The following NRF1 variants were observed in gnomAD, a reference collection of about 807,000 sequenced individuals.
NRF1 encodes the protein alpha palindromic-binding protein.
A neutral mutation model predicts 58.5 loss-of-function variants in NRF1; 5 were observed. The observed-to-expected ratio is 0.09, with a 90% confidence interval of 0.04 to 0.18. The LOEUF (loss-of-function observed/expected upper bound fraction) is 0.18, where lower values mean the gene tolerates loss of function less well. Ranked by LOEUF, NRF1 falls within the 10% of genes least tolerant of loss-of-function variation. The probability of loss-of-function intolerance (pLI) is 1.00; values close to 1 mark genes in which losing one functional copy is unlikely to be tolerated. For missense variants in NRF1, 288 were observed against 657.7 expected (o/e 0.44, Z 6.15); for synonymous variants, 224 against 246.7 (o/e 0.91, Z 0.86).
chr7:129,647,576 A>C (rs900312059), intron 1 of NRF1, among the ~76,000 whole-genome samples: 2 of 151,906 alleles, frequency 1.3e-5, no homozygotes, highest in Admixed American at 6.6e-5. Flanking sequence ...TTGTATTTTT[A>C]GTAGAGATAG....
At chr7:129,637,585 A>T (rs1009516313) in intron 1 of NRF1, among the ~76,000 whole-genome samples, 4 of 152,214 alleles carry the variant, frequency 2.6e-5, no homozygotes, top group Non-Finnish European at 5.9e-5. Flanking sequence ...TAGTTTTAGT[A>T]TATCTTTTGA....
chr7:129,632,519 G>A lies in NRF1; in HGVS notation c.-7+20695G>A, dbSNP rs562626492. ...TCACAGTTATTGTTGAAGCTTATTG[G>A]GCACCCCTTCCCCATCCTAGTCCTC... is the stretch of plus-strand genomic sequence containing the variant. On this transcript the variant is annotated intron_variant, in intron 1 of 10. Transcript: ENST00000393232. Among the ~76,000 whole-genome samples the A allele has an allele frequency of 3.3e-5, 5 of 151,764 alleles. No homozygotes were observed. In the South Asian group the frequency reaches 1.0e-3, roughly 32 times the overall value.
At chr7:129,742,977 AC>A (rs1398846490) in intron 10 of NRF1, among the ~76,000 whole-genome samples, 1 of 152,134 alleles carries the variant, frequency 6.6e-6, no homozygotes, top group African/African-American at 2.4e-5. Flanking sequence ...GTTGGTCTGA[AC>A]CTCTTGAAAT....
intron 1 of NRF1, among the ~76,000 whole-genome samples, chr7:129,613,920 T>A (rs1408306386): frequency 6.6e-6 from 1 of 151,976 alleles, no homozygotes; most frequent in Non-Finnish European, 1.5e-5. Flanking sequence ...AGACTTCATC[T>A]AAAAAAACAA....
intron 1 of NRF1, among the ~76,000 whole-genome samples, chr7:129,612,583 GC>G (rs1256721391): frequency 3.9e-5 from 6 of 152,200 alleles, no homozygotes; most frequent in African/African-American, 1.4e-4. Context: ...GCTGAGATGT[GC>G]CCGCGGAGGG....
chr7:129,680,455 G>A (rs912812382), intron 4 of NRF1, among the ~76,000 whole-genome samples: 2 of 152,174 alleles, frequency 1.3e-5, no homozygotes, highest in African/African-American at 4.8e-5. Context: ...TTATACCCAA[G>A]AGAACTGAAA....
intron 9 of NRF1, among the ~76,000 whole-genome samples, chr7:129,725,768 G>A (rs1803439404): frequency 6.6e-6 from 1 of 152,112 alleles, no homozygotes; most frequent in Non-Finnish European, 1.5e-5. Flanking sequence ...AAAGATAACT[G>A]TTTAAAACAC....
chr7:129,624,027 A>C (rs1261128698), intron 1 of NRF1, among the ~76,000 whole-genome samples: 3 of 152,232 alleles, frequency 2.0e-5, no homozygotes, highest in Non-Finnish European at 4.4e-5. Flanking sequence ...GATTGCTTTC[A>C]TTCTGAAGAA....
At chr7:129,625,916 T>C (rs1480135288) in intron 1 of NRF1, among the ~76,000 whole-genome samples, 1 of 152,086 alleles carries the variant, frequency 6.6e-6, no homozygotes, top group Non-Finnish European at 1.5e-5. Context: ...TTTTCCGACC[T>C]TGTGATCCAC....
In NRF1 at chr7:129,688,388, A is replaced by G. The variant is rs1007709797; in HGVS notation, c.466-2018A>G. ...GGGATCTGCCTGCCTCAACTTCCCA[A>G]TGTGCTGGGATTACAGGTGTGAGCC... On this transcript the variant is annotated intron_variant, in intron 4 of 10. Transcript: ENST00000393232. Among the ~76,000 whole-genome samples, 6 of 152,210 alleles carry G rather than the reference A, an allele frequency of 3.9e-5. No homozygotes were observed. The South Asian group carries it at 1.0e-3, about 26-fold the overall frequency.
chr7:129,621,989 G>A (rs1436039826), intron 1 of NRF1, among the ~76,000 whole-genome samples: 1 of 151,892 alleles, frequency 6.6e-6, no homozygotes, highest in Non-Finnish European at 1.5e-5. Context: ...CACCATGTTG[G>A]TCAGGCTGGT....
At chr7:129,712,421 G>T (rs1369928024) in intron 8 of NRF1, among the ~76,000 whole-genome samples, 2 of 152,206 alleles carry the variant, frequency 1.3e-5, no homozygotes, top group Non-Finnish European at 2.9e-5. Flanking sequence ...TCTCACCCTT[G>T]TTGAGAGCCA....
chr7:129,670,500 GA>G (rs1460491227), intron 2 of NRF1, among the ~76,000 whole-genome samples: 2 of 152,174 alleles, frequency 1.3e-5, no homozygotes, highest in Non-Finnish European at 2.9e-5. Flanking sequence ...ACAACATGTA[GA>G]AAAGTTCATT....
At chr7:129,664,103 C>T (rs1183077221) in intron 2 of NRF1, among the ~76,000 whole-genome samples, 1 of 141,356 alleles carries the variant, frequency 7.1e-6, no homozygotes, top group Non-Finnish European at 1.5e-5. Flanking sequence ...CCAGGCTCCC[C>T]AAGAGAGGGA....
At chr7:129,701,309 G>C (rs2116159707) in intron 5 of NRF1, among the ~76,000 whole-genome samples, 1 of 152,068 alleles carries the variant, frequency 6.6e-6, no homozygotes, top group Admixed American at 6.5e-5. Flanking sequence ...AAGAAAACTT[G>C]ATAATAAGGC....
chr7:129,736,328 C>T (rs914311736), intron 10 of NRF1, among the ~76,000 whole-genome samples: 5 of 137,560 alleles, frequency 3.6e-5, no homozygotes, highest in African/African-American at 1.1e-4. Context: ...CTTGCCCAGG[C>T]TGGAGTGCAG....
At chr7:129,636,001 A>G (rs1244447423) in intron 1 of NRF1, among the ~76,000 whole-genome samples, 3 of 152,066 alleles carry the variant, frequency 2.0e-5, no homozygotes, top group Admixed American at 6.5e-5. Context: ...TTAATTAAGC[A>G]TTTTCATAGT....
chr7:129,625,302 C>T (rs4469397), intron 1 of NRF1, among the ~76,000 whole-genome samples: 29,172 of 151,950 alleles, frequency 0.19, 2,803 homozygotes, highest in African/African-American at 0.24. Flanking sequence ...TCTCTAAGGA[C>T]GCTTTCTTCA....
At chr7:129,668,666 A>G (rs1036620753) in intron 2 of NRF1, among the ~76,000 whole-genome samples, 1 of 152,246 alleles carries the variant, frequency 6.6e-6, no homozygotes, top group Admixed American at 6.5e-5. Context: ...CAAAAAGGAA[A>G]AAACAACTGG....
Sources: gnomAD v4.1 joint callset for allele counts (sites outside exome capture counted in the v4.1 genomes callset) on GRCh38, gnomAD v4.1.1 for gene constraint, MANE v1.5 for transcripts, NCBI Gene and HGNC (gene_info 2026-07-23, HGNC 2026-07-21) for gene names.